The following LPL variants were observed in gnomAD, a reference collection of about 807,000 sequenced individuals.
LPL encodes the protein phospholipase A1.
Under a neutral mutation model 52.2 loss-of-function variants are expected in LPL, and 43 were observed. The ratio of observed to expected loss-of-function variants is 0.82; its 90% confidence interval spans 0.64 to 1.06. The LOEUF is 1.06. LPL is among the 50% of genes least tolerant of loss of function. The pLI, the probability that LPL is intolerant of heterozygous loss-of-function variation, is 0.00. For missense variants in LPL, 639 were observed against 585.3 expected, an observed-to-expected ratio of 1.09 and a Z score of -0.95; for synonymous variants, 244 against 215.6, an observed-to-expected ratio of 1.13 and a Z score of -1.15.
At chr8:19,949,588 T>C (rs2069915285) in intron 2 of LPL, among the ~76,000 whole-genome samples, 1 of 152,070 alleles carries the variant, frequency 6.6e-6, no homozygotes. Context: ...GCATAAGAGA[T>C]TCTCCTGCCT....
chr8:19,944,433 A>G lies in LPL; in HGVS notation c.89-3747A>G, dbSNP rs890131900. Reference sequence around the variant, plus strand: ...AAATGAATTACTGAGGAAGCCCTGTAGGAGTGAGAGAAAAGGGGGGAGAGA... The same window carrying G: ...AAATGAATTACTGAGGAAGCCCTGTGGGAGTGAGAGAAAAGGGGGGAGAGA... On this transcript the variant is annotated intron_variant, in intron 1 of 9. Transcript: ENST00000650287. The surrounding 1 kb of genome is among the most constrained non-coding windows in gnomAD (Gnocchi z 4.2). Among the ~76,000 whole-genome samples, 2 of 138,548 alleles carry G rather than the reference A, an allele frequency of 1.4e-5. No homozygotes were observed. The highest frequency in any genetic ancestry group is 5.3e-5 in the African/African-American group (2 of 37,750). 90.9% of individuals were successfully genotyped at this position (138,548 alleles called of 152,430 possible).
At chr8:19,955,423 T>C (rs1213351061) in intron 5 of LPL, among the ~76,000 whole-genome samples, 1 of 152,152 alleles carries the variant, frequency 6.6e-6, no homozygotes, top group Non-Finnish European at 1.5e-5. Flanking sequence ...TAAGTGCATT[T>C]TGACTTACAG....
chr8:19,966,812 G>A lies in LPL; in HGVS notation c.*1502G>A, dbSNP rs1250034978. 6.6e-6 allele frequency: 1 copy of A among 152,196 alleles called. No homozygotes were observed. The highest frequency in any genetic ancestry group is 1.5e-5 in the Non-Finnish European group (1 of 68,034). 9.4% of individuals were successfully genotyped at this position (152,196 alleles called of 1,614,324 possible). The stretch of plus-strand genomic sequence containing the variant: ...CCAATGTTGTGATTAACATCATCAG[G>A]CTTGGAATGAATTCTCTCTAAAAAT... On this transcript the variant is annotated 3_prime_UTR_variant, in exon 10 of 10. Transcript: ENST00000650287.
At chr8:19,940,072 G>T (rs2069819243) in intron 1 of LPL, among the ~76,000 whole-genome samples, 1 of 152,204 alleles carries the variant, frequency 6.6e-6, no homozygotes, top group South Asian at 2.1e-4. Flanking sequence ...CACGGGGTAC[G>T]CTCGCCCTCG....
chr8:19,958,943 C>T (rs569376857), intron 6 of LPL, among the ~76,000 whole-genome samples: 3 of 152,286 alleles, frequency 2.0e-5, no homozygotes, highest in Non-Finnish European at 4.4e-5. Flanking sequence ...AGTGTTTTGG[C>T]CTTCTGATTT....
chr8:19,940,708 T>C (rs936429892), intron 1 of LPL, among the ~76,000 whole-genome samples: 1 of 152,208 alleles, frequency 6.6e-6, no homozygotes, highest in Non-Finnish European at 1.5e-5. Context: ...GCGGTTCAAG[T>C]TATAATAGAG....
rs2069812776 is a variant in LPL at position 19,939,588 on chromosome 8, C to T, written c.88+60C>T. The T allele has an allele frequency of 6.6e-7, 1 of 1,511,294 alleles. No homozygotes were observed. The allele number at this position is 1,511,294 out of a possible 1,614,324, so 93.6% of individuals were successfully genotyped here. ...GACCCGGCGGGTGGCCACTGCCACC[C>T]GAACTGAGGATGAGAAGAAGGAAGT... On this transcript the variant is annotated intron_variant, in intron 1 of 9. Coordinates refer to ENST00000650287, the MANE Select transcript of LPL (RefSeq NM_000237.3). The surrounding 1 kb of genome is among the most constrained non-coding windows in gnomAD (Gnocchi z 4.0).
chr8:19,953,507 C>T, intron 4 of LPL, 86 bp downstream of exon 4: 1 of 940,492 alleles, frequency 1.1e-6, no homozygotes, highest in Non-Finnish European at 1.7e-6. Context: ...TTGTTAAATA[C>T]CCACATGTGT....
chr8:19,953,928 GA>G (rs1181353287), intron 4 of LPL, among the ~76,000 whole-genome samples, 191 bp from the exon 5 acceptor site: 3 of 152,190 alleles, frequency 2.0e-5, no homozygotes, highest in Admixed American at 2.0e-4. Context: ...GCTAGTTTAA[GA>G]GACTCAAATT....
chr8:19,951,986 G>A (rs376728125), intron 3 of LPL, 38 bp downstream of exon 3: 5 of 1,609,978 alleles, frequency 3.1e-6, no homozygotes, highest in Non-Finnish European at 4.3e-6. Flanking sequence ...GTCCAAAACA[G>A]TGTTTTTGAC....
chr8:19,953,820 G>C (rs970712748), intron 4 of LPL, among the ~76,000 whole-genome samples: 7 of 152,282 alleles, frequency 4.6e-5, no homozygotes, highest in Non-Finnish European at 1.5e-5. Flanking sequence ...TACACACAGA[G>C]AGAAAGAACC....
At chr8:19,954,452 T>A in intron 5 of LPL, 99 bp downstream of exon 5, 2 of 1,251,334 alleles carry the variant, frequency 1.6e-6, no homozygotes, top group Non-Finnish European at 2.3e-6. Context: ...AGTTTTCATA[T>A]ACACATTTGG....
intron 2 of LPL, among the ~76,000 whole-genome samples, chr8:19,949,466 G>T (rs1268167547): frequency 1.3e-5 from 2 of 152,112 alleles, no homozygotes; most frequent in Non-Finnish European, 2.9e-5. Flanking sequence ...TATTTTAATA[G>T]GTGTAAGTAG....
chr8:19,955,703 A>T, intron 5 of LPL, 138 bp from the exon 6 acceptor site: 2 of 1,142,882 alleles, frequency 1.7e-6, no homozygotes, highest in Non-Finnish European at 1.3e-6. Context: ...AATAGGGCCT[A>T]CAATCATAAA....
In LPL at chr8:19,966,076, G is replaced by T. The variant is rs1228765198; in HGVS notation, c.*766G>T. Reference sequence around the variant, plus strand: ...TAATAATGTTCTCTGGGTAGGTGTTGAAAATGAGCCTGTAATCCTCAGCTG... The same window carrying T: ...TAATAATGTTCTCTGGGTAGGTGTTTAAAATGAGCCTGTAATCCTCAGCTG... On this transcript the variant is annotated 3_prime_UTR_variant, in exon 10 of 10. Transcript: ENST00000650287. 2 of 151,262 alleles carry T rather than the reference G, an allele frequency of 1.3e-5. No individual in the cohort carries two copies. Among genetic ancestry groups the T allele is most frequent in the Non-Finnish European group, 2.9e-5 (2 of 67,928 alleles). 9.4% of individuals were successfully genotyped at this position (151,262 alleles called of 1,614,324 possible). A position where few individuals can be genotyped will look rare whatever the true frequency, so the allele number is the denominator to read the frequency against.
At position 19,954,312 on chromosome 8, in the gene LPL, T is replaced by G. The variant is rs114792062; in HGVS notation, c.734T>G (p.Ile245Ser). The change falls in exon 5 of 10, where the codon ATT becomes AGT. Residue 245 changes from isoleucine to serine, a missense_variant. Coordinates refer to ENST00000650287, the MANE Select transcript of LPL (RefSeq NM_000237.3). Reference protein sequence around the residue: ...NGGTFQPGCNIGEAIRVIAER... With the variant: ...NGGTFQPGCNSGEAIRVIAER... ...GGTACTTTTCAGCCAGGATGTAACA[T>G]TGGAGAAGCTATCCGCGTGATTGCA... 6.2e-7 allele frequency: 1 copy of G among 1,614,186 alleles called. No homozygotes were observed. The highest frequency in any genetic ancestry group is 1.3e-5 in the African/African-American group (1 of 75,036).
At chr8:19,959,219 C>T (rs1448509662) in intron 6 of LPL, 41 bp from the exon 7 acceptor site, 7 of 1,613,630 alleles carry the variant, frequency 4.3e-6, no homozygotes, top group Non-Finnish European at 5.9e-6. Context: ...GTGATATTTT[C>T]ATAAAGATTG....
intron 5 of LPL, among the ~76,000 whole-genome samples, 190 bp from the exon 6 acceptor site, chr8:19,955,651 C>G (rs1333649906): frequency 6.6e-6 from 1 of 152,146 alleles, no homozygotes; most frequent in Non-Finnish European, 1.5e-5. Context: ...CTTTCACTCT[C>G]TTGAAGGTGG....
Position 19,948,311 on chromosome 8 carries a change from A to G in LPL, c.220A>G (p.Lys74Glu). 1 of 1,614,124 alleles carries G rather than the reference A, an allele frequency of 6.2e-7. No individual in the cohort carries two copies. Among genetic ancestry groups the G allele is most frequent in the East Asian group, 2.2e-5 (1 of 44,882 alleles). The change falls in exon 2 of 10, where the codon AAA becomes GAA. Residue 74 changes from lysine to glutamate, a missense_variant. Transcript: ENST00000650287. ...VATCHFNHSS[K>E]TFMVIHGWTV... is the part of the protein sequence containing the mutation. ...TACCTGTCATTTCAATCACAGCAGC[A>G]AAACCTTCATGGTGATCCATGGCTG...
Sources: gnomAD v4.1 joint callset for allele counts (sites outside exome capture counted in the v4.1 genomes callset) on GRCh38, gnomAD v4.1.1 for gene constraint, Gnocchi (gnomAD v3.1) non-coding constraint, MANE v1.5 for transcripts, NCBI Gene and HGNC (gene_info 2026-07-23, HGNC 2026-07-21) for gene names.